PPFIBP1: variants seen among roughly 807,000 people sequenced by gnomAD.
PPFIBP1 encodes the protein PPFIB scaffold protein 1.
Under a neutral mutation model 137.8 loss-of-function variants are expected in PPFIBP1, and 112 were observed. The ratio of observed to expected loss-of-function variants is 0.81; its 90% confidence interval spans 0.70 to 0.95. The LOEUF is 0.95. Among genes scored for constraint, PPFIBP1 ranks in the 40% least tolerant of loss-of-function variants. The pLI is 0.00. For missense variants in PPFIBP1, 1,083 were observed against 1,196.6 expected (o/e 0.91, Z 1.40); for synonymous variants, 378 against 417.3 (o/e 0.91, Z 1.15).
In PPFIBP1 at chr12:27,633,418, A is replaced by G; in HGVS notation, c.22A>G (p.Met8Val). 1 of 1,613,532 alleles carries G rather than the reference A, an allele frequency of 6.2e-7. No individual in the cohort carries two copies. Among genetic ancestry groups the G allele is most frequent in the Non-Finnish European group, 8.5e-7 (1 of 1,179,840 alleles). Residue 8 changes from methionine to valine, a missense_variant, in exon 3 of 30, where the codon ATG becomes GTG. Transcript: ENST00000228425. ...TAAAATGATGAGTGATGCAAGTGAC[A>G]TGTTGGCTGCAGCGTTGGAGCAGAT... MMSDASDMLAAALEQMDG... is the reference protein window; with the variant it reads MMSDASDVLAAALEQMDG...
intron 10 of PPFIBP1, among the ~76,000 whole-genome samples, chr12:27,660,054 C>T (rs1430776772): frequency 6.6e-6 from 1 of 150,568 alleles, no homozygotes; most frequent in Admixed American, 6.6e-5. Context: ...TTTGGAGTGA[C>T]TTTTCATTTA....
intron 2 of PPFIBP1, among the ~76,000 whole-genome samples, chr12:27,627,405 G>A (rs1182965158): frequency 1.3e-5 from 2 of 152,112 alleles, no homozygotes. Flanking sequence ...CAGCATAGTC[G>A]AATGTATGTG....
intron 24 of PPFIBP1, among the ~76,000 whole-genome samples, chr12:27,683,059 A>G (rs920314071): frequency 2.0e-5 from 3 of 151,916 alleles, no homozygotes; most frequent in Non-Finnish European, 4.4e-5. Context: ...TCTCATAAAG[A>G]TTTTTTTTGT....
intron 2 of PPFIBP1, among the ~76,000 whole-genome samples, chr12:27,590,403 T>C (rs987874794): frequency 2.0e-5 from 3 of 152,144 alleles, no homozygotes; most frequent in African/African-American, 7.2e-5. Flanking sequence ...CTCAAACTCC[T>C]GACCTCAAGT....
intron 1 of PPFIBP1, among the ~76,000 whole-genome samples, chr12:27,539,556 A>G (rs1275827950): frequency 2.0e-5 from 3 of 152,116 alleles, no homozygotes; most frequent in East Asian, 1.9e-4. Context: ...AAGAAGCCCT[A>G]TGTTTTTCTA....
intron 1 of PPFIBP1, among the ~76,000 whole-genome samples, chr12:27,562,596 C>A (rs974409025): frequency 6.6e-6 from 1 of 152,136 alleles, no homozygotes; most frequent in African/African-American, 2.4e-5. Flanking sequence ...CTGTTAGCAA[C>A]TTTAAACATC....
chr12:27,590,427 C>T (rs569812368), intron 2 of PPFIBP1, among the ~76,000 whole-genome samples: 12 of 152,310 alleles, frequency 7.9e-5, no homozygotes, highest in Admixed American at 2.6e-4. Context: ...CTACCCACCT[C>T]GGCCTCCCAA....
At chr12:27,629,351 G>A (rs1205937566) in intron 2 of PPFIBP1, among the ~76,000 whole-genome samples, 1 of 152,096 alleles carries the variant, frequency 6.6e-6, no homozygotes, top group Non-Finnish European at 1.5e-5. Context: ...GTATAAACTT[G>A]TGTAACCTAT....
At chr12:27,634,778 G>A in intron 3 of PPFIBP1, 132 bp from the exon 4 acceptor site, 1 of 762,942 alleles carries the variant, frequency 1.3e-6, no homozygotes, top group Non-Finnish European at 2.2e-6. Context: ...AGAGATTTAT[G>A]TGATTGAATT....
chr12:27,611,940 A>G (rs1238173256), intron 2 of PPFIBP1, among the ~76,000 whole-genome samples: 1 of 152,192 alleles, frequency 6.6e-6, no homozygotes, highest in Non-Finnish European at 1.5e-5. Context: ...AACATGTCTA[A>G]TATTCTAGTT....
intron 6 of PPFIBP1, chr12:27,648,116 A>G (rs2058653646): frequency 2.5e-6 from 1 of 397,674 alleles, no homozygotes; most frequent in South Asian, 1.4e-4. Flanking sequence ...TCTCACCCAT[A>G]GCATGTGTTT....
chr12:27,664,380 C>A lies in PPFIBP1; in HGVS notation c.925C>A (p.Leu309Ile). ...TTCCTAGGATCGGAAAATAGAAGAT[C>A]TTCGACAGTGCCTGAACAGGTACAA... ...NEEKDRKIED[L>I]RQCLNRYKKM... Residue 309 changes from leucine (L) to isoleucine (I), a missense_variant, in exon 12 of 30, where the codon CTT becomes ATT. Transcript: ENST00000228425. 1 of 1,611,138 alleles carries A rather than the reference C, an allele frequency of 6.2e-7. No homozygotes were observed. The highest frequency in any genetic ancestry group is 1.1e-5 in the South Asian group (1 of 90,882).
chr12:27,690,929 C>A (rs573566506), intron 27 of PPFIBP1, among the ~76,000 whole-genome samples: 1 of 151,764 alleles, frequency 6.6e-6, no homozygotes, highest in Non-Finnish European at 1.5e-5. Flanking sequence ...TAGATTAACT[C>A]TTCTAAATAT....
At chr12:27,689,917 A>G (rs1046869037) in intron 27 of PPFIBP1, among the ~76,000 whole-genome samples, 2 of 152,178 alleles carry the variant, frequency 1.3e-5, no homozygotes, top group Admixed American at 1.3e-4. Context: ...AGCTAGCTAC[A>G]TTCTGGCAGG....
chr12:27,605,112 A>G (rs539016496), intron 2 of PPFIBP1, among the ~76,000 whole-genome samples: 2 of 152,320 alleles, frequency 1.3e-5, no homozygotes, highest in African/African-American at 2.4e-5. Flanking sequence ...GTCAAACCAT[A>G]TGATTACCCA....
intron 2 of PPFIBP1, among the ~76,000 whole-genome samples, chr12:27,622,724 T>C (rs2056449958): frequency 1.3e-5 from 2 of 152,238 alleles, no homozygotes; most frequent in South Asian, 2.1e-4. Context: ...CTGCGTCTAA[T>C]ACCTGGCGCA....
chr12:27,665,055 G>T (rs1214934249), intron 12 of PPFIBP1, among the ~76,000 whole-genome samples: 1 of 152,138 alleles, frequency 6.6e-6, no homozygotes, highest in East Asian at 1.9e-4. Flanking sequence ...GGGCATGGGG[G>T]CAGGCACCTG....
At chr12:27,550,850 A>C (rs1946691047) in intron 1 of PPFIBP1, among the ~76,000 whole-genome samples, 1 of 152,100 alleles carries the variant, frequency 6.6e-6, no homozygotes, top group Non-Finnish European at 1.5e-5. Flanking sequence ...AACACAAATA[A>C]GAGGACAATT....
In PPFIBP1 at chr12:27,679,933, A is replaced by G. The variant is rs61739753; in HGVS notation, c.1767A>G (p.Lys589=). Residue 589 remains lysine (K), a splice_region_variant and synonymous_variant, in exon 21 of 30, where the codon AAA becomes AAG. Coordinates refer to ENST00000228425, the MANE Select transcript of PPFIBP1 (RefSeq NM_003622.4). The stretch of plus-strand genomic sequence containing the variant: ...TGGCCATGTGTGTTGTCTTCTTTAG[A>G]CTTAGGAGAAGTCAATCAACTACAT... ...KSRGIMKLFG[K]LRRSQSTTFN... is the part of the protein sequence containing the mutation. 1.7e-5 allele frequency: 28 copies of G among 1,614,062 alleles called. No individual in the cohort carries two copies. The African/African-American group carries it at 2.7e-4, about 15-fold the overall frequency.
Sources: allele counts gnomAD v4.1 joint callset (sites outside exome capture counted in the v4.1 genomes callset), GRCh38; gene constraint gnomAD v4.1.1; transcripts MANE v1.5; gene names NCBI Gene and HGNC (gene_info 2026-07-23, HGNC 2026-07-21).